SEC16A: variants seen among roughly 807,000 people sequenced by gnomAD.
The protein encoded by SEC16A is protein transport protein Sec16A.
A neutral mutation model predicts 221.9 loss-of-function variants in SEC16A; 110 were observed. The ratio of observed to expected loss-of-function variants is 0.50; its 90% confidence interval spans 0.42 to 0.58. The LOEUF (loss-of-function observed/expected upper bound fraction) is 0.58, where lower values mean the gene tolerates loss of function less well. Among genes scored for constraint, SEC16A ranks in the 20% least tolerant of loss-of-function variants. The probability of loss-of-function intolerance (pLI) is 0.00; values close to 1 mark genes in which losing one functional copy is unlikely to be tolerated. For synonymous variants in SEC16A, 1,393 were observed against 1,257.7 expected (o/e 1.11, Z -2.28); for missense variants, 3,165 against 3,097.8 (o/e 1.02, Z -0.52).
chr9:136,447,058 C>T lies in SEC16A; in HGVS notation c.6698-109G>A, dbSNP rs755684397. On this transcript the variant is annotated intron_variant, in intron 27 of 31. Transcript: ENST00000684901. This position sits in a 1 kb window ranked among gnomAD's most constrained non-coding sequence, Gnocchi z 5.5. ...TTTCACACTGCACACGCGGCACACT[C>T]ATGCAGAAACAGGCAAATCAAAAAA... 2.1e-5 allele frequency: 33 copies of T among 1,559,628 alleles called. 1 individual carries two copies. The highest frequency in any genetic ancestry group is 3.4e-4 in the Middle Eastern group (2 of 5,830).
rs1225104082 is a variant in SEC16A, at chr9:136,465,526, T to C, written c.4303+436A>G. On this transcript the variant is annotated intron_variant, in intron 8 of 31. Coordinates refer to ENST00000684901, the MANE Select transcript of SEC16A (RefSeq NM_014866.2). Reference sequence around the variant, plus strand: ...CTGTAACTTTATATCTTTACGTATATTTCTGCAATTTGCCAAGAAAAAGCA... The same window carrying C: ...CTGTAACTTTATATCTTTACGTATACTTCTGCAATTTGCCAAGAAAAAGCA... 2.0e-5 allele frequency among the ~76,000 whole-genome samples: 3 copies of C among 151,996 alleles called. No homozygotes were observed. The East Asian group carries it at 5.8e-4, about 29-fold the overall frequency.
Position 136,476,998 on chromosome 9 carries a change from C to A in SEC16A, c.618G>T (p.Gln206His), listed in dbSNP as rs766194805. The change falls in exon 3 of 32, where the codon CAG becomes CAT. Residue 206 changes from glutamine to histidine, a missense_variant. Transcript: ENST00000684901. The part of the protein sequence containing the change: ...VTPAASPSLP[Q>H]PGLQMPGQWG... The stretch of plus-strand genomic sequence containing the variant: ...ACTGTCCTGGCATCTGCAGACCAGG[C>A]TGAGGGAGGGAAGGGGATGCTGCTG... The A allele has an allele frequency of 6.2e-7, 1 of 1,613,450 alleles. No individual in the cohort carries two copies. Among genetic ancestry groups the A allele is most frequent in the Admixed American group, 1.7e-5 (1 of 60,020 alleles).
At position 136,475,856 on chromosome 9, in the gene SEC16A, C is replaced by A. The variant is rs1253259311; in HGVS notation, c.1760G>T (p.Ser587Ile). The A allele has an allele frequency of 1.9e-6, 3 of 1,592,764 alleles. No individual in the cohort carries two copies. The African/African-American group carries it at 4.0e-5, about 21-fold the overall frequency. Residue 587 changes from serine (S) to isoleucine (I), a missense_variant, in exon 3 of 32, where the codon AGC becomes ATC. This residue lies in a region of SEC16A where 2,030 missense variants were observed against 1,923.1 expected (regional missense o/e 1.06). Transcript: ENST00000684901. The surrounding 1 kb of genome is among the most constrained non-coding windows in gnomAD (Gnocchi z 5.0). ...ETTVSQNYRG[S>I]VSQPSTPSPP... ...GCTCGGGGTTGAGGGCTGGGACACG[C>A]TGCCACGGTAATTCTGGCTCACAGT...
rs752510860 is a variant in SEC16A, at chr9:136,452,449, C to CAAAAAAAA, written c.6159+971_6159+978dup. Reference sequence around the variant, plus strand: ...TGGGCGACAGAGAGAAACTCCATCTCAAAAAAAAAAAAAAAAAAAAAAAAA... The same window carrying CAAAAAAAA: ...TGGGCGACAGAGAGAAACTCCATCTCAAAAAAAAAAAAAAAAAAAAAAAAAAAAAAAAA... On this transcript the variant is annotated intron_variant, in intron 22 of 31. Coordinates refer to ENST00000684901, the MANE Select transcript of SEC16A (RefSeq NM_014866.2). 1.2e-3 allele frequency among the ~76,000 whole-genome samples: 27 copies of CAAAAAAAA among 23,294 alleles called. 5 individuals are homozygous for CAAAAAAAA. Among genetic ancestry groups the CAAAAAAAA allele is most frequent in the Non-Finnish European group, 1.3e-3 (17 of 12,798 alleles). 15.3% of individuals were successfully genotyped at this position (23,294 alleles called of 152,430 possible).
In SEC16A at chr9:136,453,486, A is replaced by G; in HGVS notation, c.6101T>C (p.Val2034Ala). The G allele has an allele frequency of 1.2e-6, 2 of 1,613,572 alleles. 1 individual carries two copies. Among genetic ancestry groups the G allele is most frequent in the South Asian group, 2.2e-5 (2 of 91,078 alleles). Residue 2034 changes from valine to alanine, a missense_variant, in exon 22 of 32, where the codon GTT becomes GCT. Val to Ala is a moderately conservative substitution (Grantham distance 64, BLOSUM62 0). Around this residue, in one of 3 missense-constraint regions of SEC16A, gnomAD observed 1,088 missense variants for 1,089.6 expected, o/e 1.00. Coordinates refer to ENST00000684901, the MANE Select transcript of SEC16A (RefSeq NM_014866.2). ...GCTTAGCTCGGAAAGTGAGTTTCCA[A>G]CAGGCGCCTCCTGCGGCACTATCCC... Reference protein sequence around the residue: ...DPGIVPQEAPVGNSLSELSEE... With the variant: ...DPGIVPQEAPAGNSLSELSEE...
chr9:136,484,517 C>T (rs1431008701), upstream of SEC16A: 1 of 1,265,758 alleles, frequency 7.9e-7, no homozygotes, highest in South Asian at 1.4e-5. Context: ...TCCTCTGCTG[C>T]TCCTTCCAGA....
chr9:136,482,655 C>G (rs1842543813), intron 1 of SEC16A, among the ~76,000 whole-genome samples: 1 of 152,274 alleles, frequency 6.6e-6, no homozygotes, highest in Non-Finnish European at 1.5e-5. Context: ...GGGGTCCAGC[C>G]TCCCGCCCCG....
chr9:136,447,534 G>A lies in SEC16A; in HGVS notation c.6559+35C>T, dbSNP rs892488288. 4.4e-6 allele frequency: 7 copies of A among 1,574,142 alleles called. No homozygotes were observed. In the Admixed American group the frequency reaches 6.8e-5, roughly 15 times the overall value. ...GCCTCTCTCTCTGGGACAGTTAATC[G>A]TTCAAGCAAGCTCCCACTCCAAGGC... On this transcript the variant is annotated intron_variant, in intron 26 of 31. Coordinates refer to ENST00000684901, the MANE Select transcript of SEC16A (RefSeq NM_014866.2). The surrounding 1 kb of genome is among the most constrained non-coding windows in gnomAD (Gnocchi z 5.5).
In SEC16A at chr9:136,461,261, G is replaced by A. The variant is rs757930985; in HGVS notation, c.4907C>T (p.Ser1636Phe). 5 of 1,605,190 alleles carry A rather than the reference G, an allele frequency of 3.1e-6. No homozygotes were observed. Among genetic ancestry groups the A allele is most frequent in the Non-Finnish European group, 4.3e-6 (5 of 1,175,854 alleles). ...LYGRKKDALE[S>F]AMKNGLWGHA... ...ACCCCACAGGCCATTCTTCATTGCAGACTCCAAAGCATCCTGCAAAAGGCA... is the reference window on the plus strand; with the variant it reads ...ACCCCACAGGCCATTCTTCATTGCAAACTCCAAAGCATCCTGCAAAAGGCA... Residue 1636 changes from serine (S) to phenylalanine (F), a missense_variant, in exon 13 of 32, where the codon TCT (serine) becomes TTT (phenylalanine). Ser to Phe is a radical substitution (Grantham distance 155, BLOSUM62 -2). This residue lies in a region of SEC16A where 1,088 missense variants were observed against 1,089.6 expected (regional missense o/e 1.00). Transcript: ENST00000684901.
intron 2 of SEC16A, among the ~76,000 whole-genome samples, 63 bp downstream of exon 2, chr9:136,478,646 G>T (rs995846610): frequency 9.9e-5 from 15 of 151,642 alleles, no homozygotes; most frequent in African/African-American, 3.4e-4. Context: ...GACCAGCCTG[G>T]GCAACATAGC....
intron 1 of SEC16A, among the ~76,000 whole-genome samples, chr9:136,479,626 A>G (rs1183122821): frequency 6.6e-6 from 1 of 152,174 alleles, no homozygotes; most frequent in Non-Finnish European, 1.5e-5. Context: ...TGCTGGGATT[A>G]CAGGCGTGAG....
Position 136,445,673 on chromosome 9 carries a change from G to C in SEC16A, c.6839C>G (p.Ser2280Cys), listed in dbSNP as rs751661008. 1.3e-6 allele frequency: 2 copies of C among 1,551,506 alleles called. No homozygotes were observed. The highest frequency in any genetic ancestry group is 1.4e-5 in the African/African-American group (1 of 73,050). ...TCCTCCCTGGGAACCCTCAGGCCTG[G>C]AGGAGGGGAGTTCAGAGCCAGGGAG... is the stretch of plus-strand genomic sequence containing the variant. Reference protein sequence around the residue: ...ASLPGSELPSSRPEGSQGGEL... With the variant: ...ASLPGSELPSCRPEGSQGGEL... The change falls in exon 29 of 32, where the codon TCC becomes TGC. Residue 2280 changes from serine to cysteine, a missense_variant. Coordinates refer to ENST00000684901, the MANE Select transcript of SEC16A (RefSeq NM_014866.2).
At chr9:136,479,536 T>C (rs1036499896) in intron 1 of SEC16A, among the ~76,000 whole-genome samples, 2 of 152,084 alleles carry the variant, frequency 1.3e-5, no homozygotes, top group African/African-American at 4.8e-5. Context: ...GTCTTTTCAG[T>C]AGAGATGGGG....
rs113207461 is a variant in SEC16A, at chr9:136,460,049, G to A, written c.5066C>T (p.Ala1689Val). 1.9e-4 allele frequency: 312 copies of A among 1,603,480 alleles called. 2 individuals are homozygous for A. The African/African-American group carries it at 3.0e-3, about 15-fold the overall frequency. Residue 1689 changes from alanine (A) to valine (V), a missense_variant, in exon 14 of 32, where the codon GCG becomes GTG. Physicochemically the swap from Ala to Val is moderately conservative, Grantham distance 64. Around this residue, in one of 3 missense-constraint regions of SEC16A, gnomAD observed 1,088 missense variants for 1,089.6 expected, o/e 1.00. Transcript: ENST00000684901. ...YQLMSGRMPA[A>V]STCCGDEKWG... The stretch of plus-strand genomic sequence containing the variant: ...CCAGGCAGTGCCACTCACCGTGGAC[G>A]CGGCAGGCATCCGTCCGGACATGAG...
intron 12 of SEC16A, among the ~76,000 whole-genome samples, chr9:136,461,714 C>T (rs1387262604): frequency 6.6e-6 from 1 of 152,186 alleles, no homozygotes; most frequent in Non-Finnish European, 1.5e-5. Flanking sequence ...TAATTTAGAA[C>T]TTCTGGCTGG....
intron 4 of SEC16A, among the ~76,000 whole-genome samples, chr9:136,471,139 G>A (rs1376713359): frequency 6.6e-6 from 1 of 151,744 alleles, no homozygotes; most frequent in Admixed American, 6.6e-5. Context: ...CAGAGGAATG[G>A]CTGGCCTTCA....
In SEC16A at chr9:136,454,246, AG is replaced by A; in HGVS notation, c.5938del (p.Leu1980TrpfsTer8). 6.3e-7 allele frequency: 1 copy of A among 1,577,224 alleles called. No individual in the cohort carries two copies. The highest frequency in any genetic ancestry group is 8.6e-7 in the Non-Finnish European group (1 of 1,161,872). On this transcript the variant is annotated frameshift_variant, in exon 21 of 32. Coordinates refer to ENST00000684901, the MANE Select transcript of SEC16A (RefSeq NM_014866.2). LOFTEE classifies it high-confidence loss of function. ...GGTCACACAGCCAGGACCCGGCTCC[AG>A]GGGCCCCGGGGGCAGTGGCACTGGG... ...MFPVPLPPGP[L>X]EPGPGCVTPG...
chr9:136,477,658 C>A lies in SEC16A; in HGVS notation c.-43G>T. On this transcript the variant is annotated 5_prime_UTR_variant, in exon 3 of 32. Transcript: ENST00000684901. ...AGTCGATGCTGCTTACAGAAGGAAG[C>A]AGGATATAGCTGTTCCTTAATTGGA... is the stretch of plus-strand genomic sequence containing the variant. 3 of 1,519,864 alleles carry A rather than the reference C, an allele frequency of 2.0e-6. No individual in the cohort carries two copies. The South Asian group carries it at 3.7e-5, about 19-fold the overall frequency. The allele number at this position is 1,519,864 out of a possible 1,614,324, so 94.1% of individuals were successfully genotyped here. A position where few individuals can be genotyped will look rare whatever the true frequency, so the allele number is the denominator to read the frequency against.
intron 13 of SEC16A, 44 bp from the exon 14 acceptor site, chr9:136,460,167 A>G: frequency 6.6e-7 from 1 of 1,516,042 alleles, no homozygotes. Context: ...TGGCTCAGCT[A>G]AAAGAAAAAA....
Sources: allele counts gnomAD v4.1 joint callset (sites outside exome capture counted in the v4.1 genomes callset), GRCh38; gene constraint gnomAD v4.1.1; regional missense constraint gnomAD v4.1.1; non-coding constraint Gnocchi (gnomAD v3.1); transcripts MANE v1.5; gene names NCBI Gene and HGNC (gene_info 2026-07-23, HGNC 2026-07-21).